RBFOX1: variants seen among roughly 807,000 people sequenced by gnomAD.
The protein encoded by RBFOX1 is RNA binding fox-1 homolog 1.
RBFOX1 carries 8 observed loss-of-function variants against 57.7 expected under a neutral mutation model. The observed-to-expected ratio is 0.14, with a 90% CI of 0.08 to 0.25. The LOEUF is 0.25. Among genes scored for constraint, RBFOX1 ranks in the 10% least tolerant of loss-of-function variants. The pLI is 1.00. For missense variants in RBFOX1, 611 were observed against 548.5 expected, an observed-to-expected ratio of 1.11 and a Z score of -1.14; for synonymous variants, 326 against 222.4, an observed-to-expected ratio of 1.47 and a Z score of -4.15.
At chr16:6,717,676 A>T (rs2065103575) in intron 3 of RBFOX1, among the ~76,000 whole-genome samples, 1 of 151,862 alleles carries the variant, frequency 6.6e-6, no homozygotes, top group South Asian at 2.1e-4. Flanking sequence ...TTCAGAGCTG[A>T]CAAGTGATAA....
chr16:7,488,624 C>T (rs558817980), intron 4 of RBFOX1, among the ~76,000 whole-genome samples: 1 of 152,288 alleles, frequency 6.6e-6, no homozygotes, highest in African/African-American at 2.4e-5. Flanking sequence ...CACCTATCTA[C>T]TATTTACCTA....
intron 4 of RBFOX1, among the ~76,000 whole-genome samples, chr16:7,433,173 C>T (rs1170986241): frequency 6.6e-6 from 1 of 152,160 alleles, no homozygotes; most frequent in Non-Finnish European, 1.5e-5. Context: ...CCTTCTGGGA[C>T]TTCTTAGGAG....
At chr16:7,690,426 C>T (rs542461584) in intron 14 of RBFOX1, among the ~76,000 whole-genome samples, 20 of 152,198 alleles carry the variant, frequency 1.3e-4, no homozygotes, top group African/African-American at 4.6e-4. Flanking sequence ...TTTAGAAGTG[C>T]ACCAATTATT....
chr16:5,540,587 T>C (rs1322382424), intron 2 of RBFOX1, among the ~76,000 whole-genome samples: 1 of 152,214 alleles, frequency 6.6e-6, no homozygotes, highest in Admixed American at 6.5e-5. Flanking sequence ...ATTTCTCAAA[T>C]TGTGGCTCAT....
chr16:7,395,099 T>G (rs4519348), intron 4 of RBFOX1, among the ~76,000 whole-genome samples: 1 of 151,840 alleles, frequency 6.6e-6, no homozygotes, highest in East Asian at 1.9e-4. Context: ...TTTTTTTTTC[T>G]CTTGAGTTAG....
At chr16:5,883,266 T>C (rs1039751848) in intron 4 of RBFOX1, among the ~76,000 whole-genome samples, 3 of 152,176 alleles carry the variant, frequency 2.0e-5, no homozygotes, top group African/African-American at 7.2e-5. Context: ...CACATTTATA[T>C]TTCAGATATA....
At chr16:5,982,927 G>C (rs1448735689) in intron 4 of RBFOX1, among the ~76,000 whole-genome samples, 1 of 152,192 alleles carries the variant, frequency 6.6e-6, no homozygotes, top group Non-Finnish European at 1.5e-5. Context: ...GAATGGGTGA[G>C]TACATGAATA....
chr16:6,646,399 C>G (rs900680435), intron 2 of RBFOX1, among the ~76,000 whole-genome samples: 4 of 151,980 alleles, frequency 2.6e-5, no homozygotes, highest in African/African-American at 4.8e-5. Flanking sequence ...TTAATCCTGA[C>G]AAGAATAAAT....
chr16:6,102,720 A>G (rs1394908579), intron 1 of RBFOX1, among the ~76,000 whole-genome samples: 1 of 152,156 alleles, frequency 6.6e-6, no homozygotes, highest in East Asian at 1.9e-4. Context: ...CTCGATTTCC[A>G]AGTGTGTTAC....
At chr16:5,826,822 T>C (rs1216818474) in intron 3 of RBFOX1, among the ~76,000 whole-genome samples, 1 of 152,224 alleles carries the variant, frequency 6.6e-6, no homozygotes, top group Non-Finnish European at 1.5e-5. Flanking sequence ...TTAACACTAT[T>C]GTGAGAAGTG....
intron 4 of RBFOX1, among the ~76,000 whole-genome samples, chr16:7,491,931 T>C (rs1473557349): frequency 6.6e-6 from 1 of 152,236 alleles, no homozygotes; most frequent in Non-Finnish European, 1.5e-5. Flanking sequence ...ACTCCGTGTG[T>C]TCCTTTTTTG....
chr16:6,439,484 A>G (rs2094320950), intron 2 of RBFOX1, among the ~76,000 whole-genome samples: 4 of 152,162 alleles, frequency 2.6e-5, no homozygotes, highest in Admixed American at 2.6e-4. Context: ...GGAATGTGGA[A>G]CATCCCCTGC....
chr16:7,518,525 C>T, intron 5 of RBFOX1, 136 bp downstream of exon 5: 2 of 1,165,910 alleles, frequency 1.7e-6, no homozygotes, highest in Non-Finnish European at 2.3e-6. Context: ...CCTCATCATA[C>T]CAGCTTCCTG....
chr16:6,000,505 T>G (rs1322498973), intron 4 of RBFOX1, among the ~76,000 whole-genome samples: 1 of 152,178 alleles, frequency 6.6e-6, no homozygotes, highest in Non-Finnish European at 1.5e-5. Context: ...GTCTTGTGTC[T>G]GCCACTCTCT....
chr16:7,424,249 T>C (rs2098582482), intron 4 of RBFOX1, among the ~76,000 whole-genome samples: 1 of 150,936 alleles, frequency 6.6e-6, no homozygotes, highest in Non-Finnish European at 1.5e-5. Flanking sequence ...TACACTTGAA[T>C]ATGAATATAT....
intron 1 of RBFOX1, among the ~76,000 whole-genome samples, chr16:6,045,213 A>C (rs570700062): frequency 2.0e-5 from 3 of 152,284 alleles, no homozygotes; most frequent in African/African-American, 7.2e-5. Context: ...ATTTATGATA[A>C]ACTCCCGAGC....
At chr16:6,458,091 G>A (rs1487182412) in intron 2 of RBFOX1, among the ~76,000 whole-genome samples, 1 of 152,200 alleles carries the variant, frequency 6.6e-6, no homozygotes, top group East Asian at 1.9e-4. Flanking sequence ...GGCATCCAGG[G>A]CTGGGGAAGT....
chr16:7,444,956 G>A (rs931201713), intron 4 of RBFOX1, among the ~76,000 whole-genome samples: 1 of 152,020 alleles, frequency 6.6e-6, no homozygotes, highest in African/African-American at 2.4e-5. Context: ...ATCATGGTGT[G>A]TCATATGAAG....
chr16:5,618,962 C>T (rs1450524150), intron 3 of RBFOX1, among the ~76,000 whole-genome samples: 1 of 152,134 alleles, frequency 6.6e-6, no homozygotes, highest in Non-Finnish European at 1.5e-5. Context: ...TGGGTGCCGG[C>T]TCCTCCCAGC....
Sources: gnomAD v4.1 joint callset for allele counts (sites outside exome capture counted in the v4.1 genomes callset) on GRCh38, gnomAD v4.1.1 for gene constraint, MANE v1.5 for transcripts, NCBI Gene and HGNC (gene_info 2026-07-23, HGNC 2026-07-21) for gene names.